Variants in PBRM1 observed in about 807,000 individuals in gnomAD.
PBRM1 encodes the protein polybromo 1, also known as protein polybromo-1.
Under a neutral mutation model 194.5 loss-of-function variants are expected in PBRM1, and 27 were observed. The ratio of observed to expected loss-of-function variants is 0.14; its 90% CI spans 0.10 to 0.19. PBRM1 has a LOEUF of 0.19. PBRM1 is among the 10% of genes least tolerant of loss of function. The probability of loss-of-function intolerance (pLI) is 1.00; values close to 1 mark genes in which losing one functional copy is unlikely to be tolerated. For synonymous variants in PBRM1, 655 were observed against 693.2 expected (o/e 0.94, Z 0.87); for missense variants, 1,466 against 2,077.2 (o/e 0.71, Z 5.72).
chr3:52,579,687 A>G (rs1373249074), intron 20 of PBRM1, among the ~76,000 whole-genome samples: 1 of 152,228 alleles, frequency 6.6e-6, no homozygotes, highest in East Asian at 1.9e-4. Flanking sequence ...GATTATTGAA[A>G]TAAACGAAGA....
rs1318718971 is a variant in PBRM1, at chr3:52,564,252, AAG to A, written c.3692-21_3692-20del. The stretch of plus-strand genomic sequence containing the variant: ...CACTTTCCTGAAAGAGAAAATTAGA[AAG>A]AAATTAAAGGAGTAAACTGTGGTCA... On this transcript the variant is annotated intron_variant, in intron 22 of 29. Coordinates refer to ENST00000296302, the Ensembl canonical transcript of PBRM1. The A allele has an allele frequency of 1.3e-6, 2 of 1,578,734 alleles. No homozygotes were observed. Among genetic ancestry groups the A allele is most frequent in the Non-Finnish European group, 1.7e-6 (2 of 1,149,108 alleles).
chr3:52,634,463 G>C, intron 11 of PBRM1, 139 bp downstream of exon 12: 1 of 402,512 alleles, frequency 2.5e-6, no homozygotes, highest in Non-Finnish European at 4.5e-6. Flanking sequence ...AAAAGGTAAT[G>C]AACAGTTAAA....
At chr3:52,567,582 G>GAAAAAAGA (rs1480548082) in intron 22 of PBRM1, among the ~76,000 whole-genome samples, 1 of 115,542 alleles carries the variant, frequency 8.7e-6, no homozygotes, top group East Asian at 2.6e-4. Context: ...AAAAAAAAAA[G>GAAAAAAGA]AAAAAAGAAA....
chr3:52,667,481 G>A (rs1380634584), intron 3 of PBRM1, among the ~76,000 whole-genome samples: 1 of 152,078 alleles, frequency 6.6e-6, no homozygotes, highest in Non-Finnish European at 1.5e-5. Flanking sequence ...GGCCAGGCAT[G>A]GTCGCTCACG....
chr3:52,630,815 A>G (rs910292422), intron 11 of PBRM1, among the ~76,000 whole-genome samples: 2 of 152,252 alleles, frequency 1.3e-5, no homozygotes, highest in East Asian at 1.9e-4. Context: ...TTTATATTAG[A>G]AAATTTCAAC....
intron 20 of PBRM1, among the ~76,000 whole-genome samples, chr3:52,581,757 C>T (rs1212152047): frequency 6.6e-6 from 1 of 151,886 alleles, no homozygotes; most frequent in Non-Finnish European, 1.5e-5. Flanking sequence ...CCTGCCTCAA[C>T]CTCCCGAGAA....
intron 20 of PBRM1, 137 bp from the exon 23 acceptor site, chr3:52,579,336 A>G (rs926663241): frequency 6.4e-6 from 5 of 783,316 alleles, no homozygotes; most frequent in Non-Finnish European, 8.3e-6. Flanking sequence ...ACGTAATCCC[A>G]GCATTTTGGG....
chr3:52,639,030 G>C (rs1366646905), intron 10 of PBRM1, among the ~76,000 whole-genome samples: 1 of 148,170 alleles, frequency 6.7e-6, no homozygotes, highest in Non-Finnish European at 1.5e-5. Flanking sequence ...TGTTGTCCAG[G>C]CTGGAGTGCA....
At chr3:52,564,330 A>G (rs2084450360) in intron 22 of PBRM1, 97 bp from the exon 25 acceptor site, 2 of 870,030 alleles carry the variant, frequency 2.3e-6, no homozygotes, top group East Asian at 2.6e-5. Context: ...ATACATTCAT[A>G]TAATTAACAA....
exon 22 of PBRM1, chr3:52,576,589 C>T (rs770026172): frequency 6.2e-7 from 1 of 1,610,632 alleles, no homozygotes; most frequent in South Asian, 1.1e-5. Flanking sequence ...CTCAGAAATA[C>T]TTCTTTTTTG....
intron 11 of PBRM1, among the ~76,000 whole-genome samples, chr3:52,632,132 C>T (rs1238958867): frequency 6.6e-6 from 1 of 152,096 alleles, no homozygotes; most frequent in African/African-American, 2.4e-5. Context: ...GCTGTTTTTA[C>T]AGAAACAGAA....
At chr3:52,570,894 G>GTT (rs79113447) in intron 22 of PBRM1, among the ~76,000 whole-genome samples, 8 of 137,584 alleles carry the variant, frequency 5.8e-5, no homozygotes, top group Admixed American at 7.3e-5. Flanking sequence ...TTGTTTCTTC[G>GTT]TTTTTTTTTT....
intron 5 of PBRM1, among the ~76,000 whole-genome samples, chr3:52,652,502 C>T (rs552500866): frequency 3.9e-4 from 59 of 149,716 alleles, no homozygotes; most frequent in African/African-American, 1.4e-3. Flanking sequence ...TCCTGGCTAA[C>T]GTGGTGAAAC....
chr3:52,619,417 C>T (rs1016875870), intron 13 of PBRM1, among the ~76,000 whole-genome samples: 32 of 152,088 alleles, frequency 2.1e-4, no homozygotes, highest in African/African-American at 6.3e-4. Flanking sequence ...ATTAAAAATG[C>T]TATATAGTTG....
At chr3:52,573,244 T>C (rs780521992) in intron 22 of PBRM1, among the ~76,000 whole-genome samples, 16 of 152,188 alleles carry the variant, frequency 1.1e-4, no homozygotes, top group African/African-American at 3.4e-4. Flanking sequence ...ATCCTGGATA[T>C]AAAACTGGTA....
At chr3:52,589,141 T>C (rs1242877278) in exon 18 of PBRM1, 4 of 1,613,332 alleles carry the variant, frequency 2.5e-6, no homozygotes, top group African/African-American at 1.3e-5. Context: ...AGGTTCCACA[T>C]AGACGTAATC....
chr3:52,647,457 AATATATATATATATAT>A (rs199916798), intron 7 of PBRM1, among the ~76,000 whole-genome samples: 7,071 of 47,742 alleles, frequency 0.15, 787 homozygotes, highest in Admixed American at 0.27. Context: ...AAAAAAAAAA[AATATATATATATATAT>A]ATATATATAT....
At chr3:52,685,316 A>G (rs957178175) in intron 1 of PBRM1, 2 of 152,204 alleles carry the variant, frequency 1.3e-5, no homozygotes, top group Non-Finnish European at 2.9e-5. Context: ...AGTCCCATTG[A>G]TTAAAATACC....
At chr3:52,675,542 C>T (rs2097079293) in intron 2 of PBRM1, among the ~76,000 whole-genome samples, 1 of 152,154 alleles carries the variant, frequency 6.6e-6, no homozygotes, top group Non-Finnish European at 1.5e-5. Context: ...CCACAGTGAA[C>T]AAGGTGTTGA....
Sources: allele counts gnomAD v4.1 joint callset (sites outside exome capture counted in the v4.1 genomes callset), GRCh38; gene constraint gnomAD v4.1.1; transcripts MANE v1.5; gene names NCBI Gene and HGNC (gene_info 2026-07-23, HGNC 2026-07-21).